The following TCF7L2 variants were observed in gnomAD, a reference collection of about 807,000 sequenced individuals.
TCF7L2 encodes the protein transcription factor 7-like 2.
In TCF7L2, 23 loss-of-function variants were observed where a neutral mutation model predicts 77.9. The ratio of observed to expected loss-of-function variants is 0.30; its 90% CI spans 0.21 to 0.42. TCF7L2 has a LOEUF of 0.42. Ranked by LOEUF, TCF7L2 falls within the 10% of genes least tolerant of loss-of-function variation. The probability of loss-of-function intolerance (pLI) is 1.00; values close to 1 mark genes in which losing one functional copy is unlikely to be tolerated. For missense variants in TCF7L2, 654 were observed against 793.1 expected, an observed-to-expected ratio of 0.82 and a Z score of 2.11; for synonymous variants, 413 against 340.2, an observed-to-expected ratio of 1.21 and a Z score of -2.36.
At chr10:112,973,697 C>T (rs12243578) in intron 4 of TCF7L2, among the ~76,000 whole-genome samples, 31,549 of 152,108 alleles carry the variant, frequency 0.21, 4,164 homozygotes, top group Middle Eastern at 0.36. Flanking sequence ...TCAAGCTGTT[C>T]GCCTGCCTCA....
rs1422527653 is a variant in TCF7L2 at position 113,082,227 on chromosome 10, C to CCTTG, written c.552+42102_552+42105dup. On this transcript the variant is annotated intron_variant, in intron 5 of 13. Coordinates refer to ENST00000627217, the MANE Select transcript of TCF7L2 (RefSeq NM_001146274.2). ...CTTATTACCTTTCATCCCAGTAAAG[C>CCTTG]CTTGACCTTCACATATAAAACTAAT... is the stretch of plus-strand genomic sequence containing the variant. Among the ~76,000 whole-genome samples the CCTTG allele has an allele frequency of 3.3e-5, 5 of 151,646 alleles. No homozygotes were observed. The East Asian group carries it at 7.7e-4, about 24-fold the overall frequency.
At chr10:113,112,905 A>G (rs553828843) in intron 5 of TCF7L2, among the ~76,000 whole-genome samples, 1 of 152,308 alleles carries the variant, frequency 6.6e-6, no homozygotes, top group African/African-American at 2.4e-5. Flanking sequence ...TAAAAGGTAG[A>G]AGGCTTTTCC....
At chr10:113,029,422 C>T (rs2049808312) in intron 4 of TCF7L2, among the ~76,000 whole-genome samples, 1 of 151,640 alleles carries the variant, frequency 6.6e-6, no homozygotes, top group South Asian at 2.1e-4. Context: ...TCCCAAGAAG[C>T]TTTGGAGGAT....
At chr10:113,063,893 CGTGTGTGTGTGT>C (rs34087825) in intron 5 of TCF7L2, among the ~76,000 whole-genome samples, 2 of 147,056 alleles carry the variant, frequency 1.4e-5, no homozygotes, top group Non-Finnish European at 3.0e-5. Flanking sequence ...ATGGATGTGG[CGTGTGTGTGTGT>C]GTGTGTGTGT....
intron 5 of TCF7L2, among the ~76,000 whole-genome samples, chr10:113,044,605 C>A (rs2134372129): frequency 1.3e-5 from 2 of 152,242 alleles, no homozygotes; most frequent in Non-Finnish European, 2.9e-5. Flanking sequence ...GAGGGTATGA[C>A]CAGGGGGACC....
chr10:113,142,868 A>G (rs899378590), intron 6 of TCF7L2, among the ~76,000 whole-genome samples: 1 of 152,220 alleles, frequency 6.6e-6, no homozygotes, highest in African/African-American at 2.4e-5. Context: ...AAGTGTGCAA[A>G]TGGCTCGATG....
intron 5 of TCF7L2, among the ~76,000 whole-genome samples, chr10:113,127,304 C>T (rs1335003469): frequency 6.6e-6 from 1 of 151,428 alleles, no homozygotes; most frequent in Non-Finnish European, 1.5e-5. Flanking sequence ...CCTCGCTCCC[C>T]TCCTCCCCAT....
chr10:113,070,649 T>C (rs1158463056), intron 5 of TCF7L2, among the ~76,000 whole-genome samples: 2 of 152,190 alleles, frequency 1.3e-5, no homozygotes, highest in African/African-American at 2.4e-5. Flanking sequence ...CTCAAGCACA[T>C]TAATAGCTTA....
At chr10:113,164,039 C>T (rs1358559512) in intron 13 of TCF7L2, among the ~76,000 whole-genome samples, 6 of 152,230 alleles carry the variant, frequency 3.9e-5, no homozygotes, top group Non-Finnish European at 7.3e-5. Context: ...TGCTTACACA[C>T]GTGTTTCCAG....
At chr10:113,021,170 G>A (rs1048031161) in intron 4 of TCF7L2, among the ~76,000 whole-genome samples, 5 of 152,132 alleles carry the variant, frequency 3.3e-5, no homozygotes, top group African/African-American at 1.2e-4. Context: ...CGTAACCTTC[G>A]CTTCCAAATT....
At chr10:113,148,028 A>G (rs1299987576) in intron 8 of TCF7L2, among the ~76,000 whole-genome samples, 1 of 152,224 alleles carries the variant, frequency 6.6e-6, no homozygotes, top group Non-Finnish European at 1.5e-5. Flanking sequence ...GTATAGGTCT[A>G]TTATACTTAT....
In TCF7L2 at chr10:112,955,685, G is replaced by A. The variant is rs1328903605; in HGVS notation, c.381+4078G>A. ...TCTTCACCTTGATTTTAATTTTACT[G>A]ATAGGGATTTCATTTAGAGTCATTG... On this transcript the variant is annotated intron_variant, in intron 3 of 13. Coordinates refer to ENST00000627217, the MANE Select transcript of TCF7L2 (RefSeq NM_001146274.2). Among the ~76,000 whole-genome samples the A allele has an allele frequency of 2.0e-5, 3 of 152,054 alleles. No individual in the cohort carries two copies. In the East Asian group the frequency reaches 5.8e-4, roughly 29 times the overall value.
At chr10:113,143,649 A>G (rs2068774822) in intron 6 of TCF7L2, among the ~76,000 whole-genome samples, 1 of 152,206 alleles carries the variant, frequency 6.6e-6, no homozygotes, top group Non-Finnish European at 1.5e-5. Flanking sequence ...CAATCACACC[A>G]GTCACATGAG....
intron 5 of TCF7L2, among the ~76,000 whole-genome samples, chr10:113,072,389 C>T (rs947953210): frequency 9.2e-5 from 14 of 152,014 alleles, no homozygotes; most frequent in African/African-American, 3.1e-4. Context: ...GAGTTTTGCT[C>T]TGTCACCCAG....
At chr10:113,036,404 A>G (rs1446713663) in intron 4 of TCF7L2, among the ~76,000 whole-genome samples, 2 of 151,874 alleles carry the variant, frequency 1.3e-5, no homozygotes, top group African/African-American at 4.8e-5. Context: ...CCCTGTTTTC[A>G]TTGGGGGAGG....
intron 5 of TCF7L2, among the ~76,000 whole-genome samples, chr10:113,062,817 T>A (rs2056683885): frequency 6.6e-6 from 1 of 152,278 alleles, no homozygotes; most frequent in Admixed American, 6.5e-5. Context: ...CTCCAGGGTC[T>A]TAATAAATGA....
chr10:113,069,404 A>G (rs917386918), intron 5 of TCF7L2, among the ~76,000 whole-genome samples: 1 of 151,736 alleles, frequency 6.6e-6, no homozygotes, highest in Non-Finnish European at 1.5e-5. Flanking sequence ...TAATTTTTGT[A>G]TTTTTAGTAG....
At chr10:113,089,174 G>T (rs1482571806) in intron 5 of TCF7L2, among the ~76,000 whole-genome samples, 2 of 152,148 alleles carry the variant, frequency 1.3e-5, no homozygotes, top group African/African-American at 4.8e-5. Flanking sequence ...CAGGAAGGCT[G>T]CCTGGAGGAG....
At chr10:113,065,286 C>G (rs954807482) in intron 5 of TCF7L2, among the ~76,000 whole-genome samples, 1 of 152,212 alleles carries the variant, frequency 6.6e-6, no homozygotes, top group Non-Finnish European at 1.5e-5. Context: ...TCTGAAATGT[C>G]ACATCCAGAC....
Sources: gnomAD v4.1 joint callset for allele counts (sites outside exome capture counted in the v4.1 genomes callset) on GRCh38, gnomAD v4.1.1 for gene constraint, MANE v1.5 for transcripts, NCBI Gene and HGNC (gene_info 2026-07-23, HGNC 2026-07-21) for gene names.